The following RALA variants were observed in gnomAD, a reference collection of about 807,000 sequenced individuals.
The protein encoded by RALA is ras-related protein Ral-A.
In RALA, 5 loss-of-function variants were observed where a neutral mutation model predicts 24.0. That is an observed-to-expected ratio of 0.21 (90% CI 0.11 to 0.44). RALA has a LOEUF of 0.44. Among genes scored for constraint, RALA ranks in the 20% least tolerant of loss-of-function variants. The pLI, the probability that RALA is intolerant of heterozygous loss-of-function variation, is 0.99. For synonymous variants in RALA, 77 were observed against 83.8 expected (o/e 0.92, Z 0.44); for missense variants, 95 against 241.2 (o/e 0.39, Z 4.01).
At chr7:39,704,123 G>A (rs1456354667) in intron 4 of RALA, among the ~76,000 whole-genome samples, 13 of 138,720 alleles carry the variant, frequency 9.4e-5, no homozygotes, top group African/African-American at 2.2e-4. Context: ...CTGAGATCAC[G>A]CCATCCCACT....
In RALA at chr7:39,706,484, G is replaced by C. The variant is rs1793122241; in HGVS notation, c.*239G>C. On this transcript the variant is annotated 3_prime_UTR_variant, in exon 5 of 5. Transcript: ENST00000005257. ...AATTGCCTACATTTATCATGGTCCT[G>C]AATGTAGCGTGTAAGCTTGTGTTTC... 5 of 393,442 alleles carry C rather than the reference G, an allele frequency of 1.3e-5. No individual in the cohort carries two copies. Among genetic ancestry groups the C allele is most frequent in the Non-Finnish European group, 2.3e-5 (5 of 219,368 alleles). The allele number at this position is 393,442 out of a possible 1,614,324, so 24.4% of individuals were successfully genotyped here. A position where few individuals can be genotyped will look rare whatever the true frequency, so the allele number is the denominator to read the frequency against.
intron 1 of RALA, among the ~76,000 whole-genome samples, chr7:39,642,855 C>T (rs1791844526): frequency 6.6e-6 from 1 of 152,204 alleles, no homozygotes; most frequent in African/African-American, 2.4e-5. Context: ...AGCTGGCTGT[C>T]GTAAAACTTT....
intron 3 of RALA, among the ~76,000 whole-genome samples, chr7:39,693,332 A>C (rs1253524216): frequency 6.6e-6 from 1 of 152,178 alleles, no homozygotes; most frequent in Non-Finnish European, 1.5e-5. Flanking sequence ...AAAACCAGAC[A>C]CTGCATATTT....
intron 4 of RALA, among the ~76,000 whole-genome samples, chr7:39,702,681 T>C (rs1341018163): frequency 1.3e-5 from 2 of 152,348 alleles, no homozygotes; most frequent in Non-Finnish European, 2.9e-5. Context: ...TATTCAATCA[T>C]TGAAAAGGAT....
chr7:39,646,753 A>G (rs1160546475), intron 1 of RALA, among the ~76,000 whole-genome samples: 1 of 152,228 alleles, frequency 6.6e-6, no homozygotes, highest in Non-Finnish European at 1.5e-5. Flanking sequence ...CCTCTGTTAC[A>G]GAGGAGTAAT....
At chr7:39,643,316 G>A (rs1791852807) in intron 1 of RALA, among the ~76,000 whole-genome samples, 1 of 152,206 alleles carries the variant, frequency 6.6e-6, no homozygotes, top group Admixed American at 6.5e-5. Context: ...ATACCTAGTA[G>A]TAAACTTGAT....
chr7:39,639,156 A>G (rs1054748192), intron 1 of RALA, among the ~76,000 whole-genome samples: 1 of 152,238 alleles, frequency 6.6e-6, no homozygotes, highest in Non-Finnish European at 1.5e-5. Context: ...AAGTTTCTGT[A>G]GCATATTTCT....
At chr7:39,646,123 T>C (rs1175283767) in intron 1 of RALA, among the ~76,000 whole-genome samples, 2 of 152,184 alleles carry the variant, frequency 1.3e-5, no homozygotes, top group Non-Finnish European at 2.9e-5. Flanking sequence ...AATGAATTAC[T>C]AGAAGAATGA....
chr7:39,657,356 AG>A (rs1327982135), intron 1 of RALA, among the ~76,000 whole-genome samples: 5 of 152,154 alleles, frequency 3.3e-5, no homozygotes, highest in African/African-American at 1.2e-4. Flanking sequence ...TAAAAAATGA[AG>A]GGTTTGGATT....
intron 4 of RALA, among the ~76,000 whole-genome samples, chr7:39,701,520 A>G (rs944044426): frequency 6.6e-6 from 1 of 152,196 alleles, no homozygotes; most frequent in African/African-American, 2.4e-5. Flanking sequence ...CTCAAAAACA[A>G]AACAAAACAA....
chr7:39,642,331 A>C (rs1300797166), intron 1 of RALA, among the ~76,000 whole-genome samples: 1 of 152,154 alleles, frequency 6.6e-6, no homozygotes, highest in Non-Finnish European at 1.5e-5. Flanking sequence ...AAAGGTAAAG[A>C]TATAGGGGGA....
At chr7:39,658,998 G>T (rs928172665) in intron 1 of RALA, among the ~76,000 whole-genome samples, 4 of 152,124 alleles carry the variant, frequency 2.6e-5, no homozygotes, top group Non-Finnish European at 5.9e-5. Context: ...TTAAGATATG[G>T]ACCGGGTGTG....
At chr7:39,702,822 G>A (rs1017034503) in intron 4 of RALA, among the ~76,000 whole-genome samples, 6 of 152,164 alleles carry the variant, frequency 3.9e-5, no homozygotes, top group Non-Finnish European at 7.4e-5. Context: ...TCTCATAGAA[G>A]TAAAAAATAG....
intron 4 of RALA, among the ~76,000 whole-genome samples, chr7:39,697,740 C>G (rs1205549632): frequency 6.6e-6 from 1 of 152,100 alleles, no homozygotes; most frequent in African/African-American, 2.4e-5. Context: ...ATTTATAACC[C>G]TGATCCAGAA....
chr7:39,674,077 A>G (rs894501891), intron 1 of RALA, among the ~76,000 whole-genome samples: 3 of 151,646 alleles, frequency 2.0e-5, no homozygotes, highest in African/African-American at 4.8e-5. Context: ...AAATAAATAA[A>G]TAAATAAATA....
At position 39,678,203 on chromosome 7, in the gene RALA, A is replaced by G. The variant is rs1383207946; in HGVS notation, c.-37-8428A>G. Among the ~76,000 whole-genome samples, 6 of 152,262 alleles carry G rather than the reference A, an allele frequency of 3.9e-5. No individual in the cohort carries two copies. The East Asian group carries it at 5.8e-4, about 15-fold the overall frequency. ...AAACTTAAAGTATAATTAAAAAAAA[A>G]AAAAAAGATTCATTTTGGGCTTCTG... On this transcript the variant is annotated intron_variant, in intron 1 of 4. Transcript: ENST00000005257.
At chr7:39,685,014 A>G (rs573002073) in intron 1 of RALA, among the ~76,000 whole-genome samples, 2 of 152,316 alleles carry the variant, frequency 1.3e-5, no homozygotes, top group East Asian at 1.9e-4. Context: ...TACTTATACT[A>G]TTAAGTTGGT....
chr7:39,659,358 T>C (rs934050110), intron 1 of RALA, among the ~76,000 whole-genome samples: 5 of 152,198 alleles, frequency 3.3e-5, no homozygotes, highest in South Asian at 2.1e-4. Context: ...ATATAAGTGC[T>C]ACAAGATGTT....
chr7:39,663,638 A>G (rs567793032), intron 1 of RALA, among the ~76,000 whole-genome samples: 2 of 152,212 alleles, frequency 1.3e-5, no homozygotes, highest in African/African-American at 4.8e-5. Flanking sequence ...GTAAAAAAAA[A>G]AAAAAGAAAA....
Sources: allele counts gnomAD v4.1 joint callset (sites outside exome capture counted in the v4.1 genomes callset), GRCh38; gene constraint gnomAD v4.1.1; transcripts MANE v1.5; gene names NCBI Gene and HGNC (gene_info 2026-07-23, HGNC 2026-07-21).